Variants in RIMS4 observed in about 807,000 individuals in gnomAD.
RIMS4 encodes the protein regulating synaptic membrane exocytosis protein 4.
A neutral mutation model predicts 29.0 loss-of-function variants in RIMS4; 9 were observed. The ratio of observed to expected loss-of-function variants is 0.31; its 90% confidence interval spans 0.19 to 0.54. The LOEUF is 0.54. RIMS4 is among the 20% of genes least tolerant of loss of function. The pLI is 0.94. For synonymous variants in RIMS4, 130 were observed against 152.9 expected (o/e 0.85, Z 1.10); for missense variants, 193 against 365.7 (o/e 0.53, Z 3.85).
chr20:44,769,738 G>A (rs1447041857), intron 2 of RIMS4, among the ~76,000 whole-genome samples: 1 of 152,192 alleles, frequency 6.6e-6, no homozygotes, highest in African/African-American at 2.4e-5. Context: ...GGCCATTCAC[G>A]AGGCTGAAGA....
chr20:44,756,951 G>A lies in RIMS4; in HGVS notation c.538C>T (p.Leu180=), dbSNP rs768124907. ...TKVARKSLDP[L]YNQVLLFPES... is the part of the protein sequence containing the mutation. ...GGAAACAGCAGCACCTGGTTATACA[G>A]TGGGTCCAGCGACTTGCGAGCGACT... Residue 180 remains leucine, a synonymous_variant, in exon 5 of 6, where the codon CTG becomes TTG. Transcript: ENST00000372851. The surrounding 1 kb of genome is among the most constrained non-coding windows in gnomAD (Gnocchi z 5.9). 1.2e-6 allele frequency: 2 copies of A among 1,614,036 alleles called. No individual in the cohort carries two copies. Among genetic ancestry groups the A allele is most frequent in the Admixed American group, 3.3e-5 (2 of 60,016 alleles).
chr20:44,790,780 C>G (rs2066229442), intron 1 of RIMS4, among the ~76,000 whole-genome samples: 2 of 152,256 alleles, frequency 1.3e-5, no homozygotes, highest in Non-Finnish European at 2.9e-5. Context: ...ATTCTCCCCG[C>G]CACTGTTCAG....
At chr20:44,791,578 A>T (rs1036592641) in intron 1 of RIMS4, among the ~76,000 whole-genome samples, 4 of 152,218 alleles carry the variant, frequency 2.6e-5, no homozygotes, top group African/African-American at 9.6e-5. Context: ...TGAAAGCATG[A>T]TACCGTTTTT....
In RIMS4 at chr20:44,756,295, G is replaced by A. The variant is rs1336336604; in HGVS notation, c.649C>T (p.Arg217Cys). ...MERKQFMGVA[R>C]VLLEELDLTT... ...AAGTCCAGCTCCTCCAGCAGCACGC[G>A]AGCCACACCCATGAACTGCTTCCGC... Residue 217 changes from arginine to cysteine, a missense_variant, in exon 6 of 6, where the codon CGC (arginine) becomes TGC (cysteine). Physicochemically the swap from Arg to Cys is radical, Grantham distance 180 (BLOSUM62 -3). Transcript: ENST00000372851. The surrounding 1 kb of genome is among the most constrained non-coding windows in gnomAD (Gnocchi z 5.9). The A allele has an allele frequency of 5.6e-6, 9 of 1,614,012 alleles. No homozygotes were observed. The highest frequency in any genetic ancestry group is 1.1e-5 in the South Asian group (1 of 91,064).
Position 44,788,147 on chromosome 20 carries a change from TC to T in RIMS4, c.98-16735del, listed in dbSNP as rs1197381719. ...TTCTGGCTTCTCCAATGGCATTTCT[TC>T]ATCTTCCCAGACAGGGGAAGAAACT... On this transcript the variant is annotated intron_variant, in intron 1 of 5. Coordinates refer to ENST00000372851, the MANE Select transcript of RIMS4 (RefSeq NM_182970.4). 2.0e-5 allele frequency among the ~76,000 whole-genome samples: 3 copies of T among 152,208 alleles called. No individual in the cohort carries two copies. In the East Asian group the frequency reaches 5.8e-4, roughly 29 times the overall value.
chr20:44,756,882 C>A lies in RIMS4; in HGVS notation c.591+16G>T. 2 of 1,612,638 alleles carry A rather than the reference C, an allele frequency of 1.2e-6. No homozygotes were observed. Among genetic ancestry groups the A allele is most frequent in the Non-Finnish European group, 8.5e-7 (1 of 1,179,126 alleles). The stretch of plus-strand genomic sequence containing the variant: ...TCGTGCACACACACACACGTGAGCG[C>A]GTCAATGCCCCTCACCTGGAGGACT... On this transcript the variant is annotated intron_variant, in intron 5 of 5. Coordinates refer to ENST00000372851, the MANE Select transcript of RIMS4 (RefSeq NM_182970.4). The surrounding 1 kb of genome is among the most constrained non-coding windows in gnomAD (Gnocchi z 5.9).
chr20:44,775,035 A>C (rs1376235259), intron 1 of RIMS4, among the ~76,000 whole-genome samples: 1 of 152,132 alleles, frequency 6.6e-6, no homozygotes, highest in East Asian at 1.9e-4. Flanking sequence ...GCTCACCACC[A>C]GGTCTCAACC....
At chr20:44,763,865 T>C (rs1337997913) in intron 2 of RIMS4, among the ~76,000 whole-genome samples, 2 of 152,184 alleles carry the variant, frequency 1.3e-5, no homozygotes, top group African/African-American at 2.4e-5. Flanking sequence ...TGCACAGCCC[T>C]TGTGGTGATT....
At chr20:44,768,406 G>A (rs2145451498) in intron 2 of RIMS4, among the ~76,000 whole-genome samples, 1 of 152,360 alleles carries the variant, frequency 6.6e-6, no homozygotes, top group African/African-American at 2.4e-5. Flanking sequence ...AAGTGGGGCT[G>A]GCTCCCTGTA....
At chr20:44,777,765 C>T (rs1042227585) in intron 1 of RIMS4, among the ~76,000 whole-genome samples, 4 of 152,212 alleles carry the variant, frequency 2.6e-5, no homozygotes, top group Non-Finnish European at 4.4e-5. Flanking sequence ...CCAAGAGAGG[C>T]TCCATGACCT....
rs1227385336 is a variant in RIMS4 at position 44,755,190 on chromosome 20, A to G, written c.*944T>C. The G allele has an allele frequency of 6.6e-6, 1 of 152,464 alleles. No homozygotes were observed. The highest frequency in any genetic ancestry group is 6.5e-5 in the Admixed American group (1 of 15,270). 9.4% of individuals were successfully genotyped at this position (152,464 alleles called of 1,614,324 possible). A position where few individuals can be genotyped will look rare whatever the true frequency, so the allele number is the denominator to read the frequency against. ...TGGCCTGGAGGCAGGGTGGGTAGACAGGATGACCATTGACCTCATGCAACA... is the reference window on the plus strand; with the variant it reads ...TGGCCTGGAGGCAGGGTGGGTAGACGGGATGACCATTGACCTCATGCAACA... On this transcript the variant is annotated 3_prime_UTR_variant, in exon 6 of 6. Transcript: ENST00000372851.
At chr20:44,769,305 C>G (rs766734833) in intron 2 of RIMS4, among the ~76,000 whole-genome samples, 3 of 152,238 alleles carry the variant, frequency 2.0e-5, no homozygotes, top group Admixed American at 6.5e-5. Context: ...ATCTCCTCTT[C>G]TATAAAACGG....
intron 1 of RIMS4, among the ~76,000 whole-genome samples, chr20:44,783,367 A>T (rs2066193331): frequency 6.6e-6 from 1 of 152,240 alleles, no homozygotes; most frequent in African/African-American, 2.4e-5. Flanking sequence ...TCACGCCTAT[A>T]ATCCCAGCAC....
rs555087208 is a variant in RIMS4, at chr20:44,779,192, G to A, written c.98-7779C>T. Among the ~76,000 whole-genome samples, 8 of 152,264 alleles carry A rather than the reference G, an allele frequency of 5.3e-5. No individual in the cohort carries two copies. In the East Asian group the frequency reaches 1.3e-3, roughly 26 times the overall value. On this transcript the variant is annotated intron_variant, in intron 1 of 5. Transcript: ENST00000372851. ...CTTACCCATCATCCTGCATACAAAA[G>A]TCTTAGCATTCTCTTATCTTCTGGA...
intron 1 of RIMS4, among the ~76,000 whole-genome samples, chr20:44,780,820 G>A (rs1044187283): frequency 6.6e-6 from 1 of 152,194 alleles, no homozygotes; most frequent in African/African-American, 2.4e-5. Context: ...GAAGAGGAAA[G>A]AGGAGAGATC....
chr20:44,791,951 T>C, intron 1 of RIMS4, among the ~76,000 whole-genome samples: 1 of 152,082 alleles, frequency 6.6e-6, no homozygotes, highest in East Asian at 1.9e-4. Context: ...GAGACGTAAA[T>C]AAACCCCAGG....
At chr20:44,796,455 G>A (rs1368656460) in intron 1 of RIMS4, among the ~76,000 whole-genome samples, 1 of 152,172 alleles carries the variant, frequency 6.6e-6, no homozygotes, top group Non-Finnish European at 1.5e-5. Context: ...AGGAAGGGAG[G>A]GGCTTGGGAT....
At chr20:44,788,188 C>T (rs2066216970) in intron 1 of RIMS4, among the ~76,000 whole-genome samples, 1 of 152,186 alleles carries the variant, frequency 6.6e-6, no homozygotes, top group South Asian at 2.1e-4. Flanking sequence ...CAAGGTCTCA[C>T]AGCTCAGCAC....
chr20:44,792,234 G>A (rs2066235913), intron 1 of RIMS4, among the ~76,000 whole-genome samples: 1 of 152,160 alleles, frequency 6.6e-6, no homozygotes, highest in Non-Finnish European at 1.5e-5. Context: ...GCAGTGCCGA[G>A]CAGTGGGTGG....
Sources: gnomAD v4.1 joint callset for allele counts (sites outside exome capture counted in the v4.1 genomes callset) on GRCh38, gnomAD v4.1.1 for gene constraint, Gnocchi (gnomAD v3.1) non-coding constraint, MANE v1.5 for transcripts, NCBI Gene and HGNC (gene_info 2026-07-23, HGNC 2026-07-21) for gene names.